The following TENM3 variants were observed in gnomAD, a reference collection of about 807,000 sequenced individuals.
TENM3 encodes teneurin-3.
In TENM3, 63 loss-of-function variants were observed where a neutral mutation model predicts 255.1. The ratio of observed to expected loss-of-function variants is 0.25; its 90% CI spans 0.20 to 0.30. The LOEUF is 0.30. Among genes scored for constraint, TENM3 ranks in the 10% least tolerant of loss-of-function variants. The probability of loss-of-function intolerance (pLI) is 1.00; values close to 1 mark genes in which losing one functional copy is unlikely to be tolerated. For synonymous variants in TENM3, 1,306 were observed against 1,322.3 expected (o/e 0.99, Z 0.27); for missense variants, 2,929 against 3,461.1 (o/e 0.85, Z 3.86).
chr4:182,195,697 G>A (rs1297337050), intron 1 of TENM3, among the ~76,000 whole-genome samples: 5 of 152,030 alleles, frequency 3.3e-5, no homozygotes, highest in Non-Finnish European at 7.4e-5. Context: ...GCTACACTCA[G>A]TATTAATTAC....
the TENM3 span, among the ~76,000 whole-genome samples, chr4:181,874,223 A>G: frequency 6.6e-6 from 1 of 152,200 alleles, no homozygotes; most frequent in Non-Finnish European, 1.5e-5. Context: ...CCAGCGGAGT[A>G]TGGCATTTTG....
chr4:181,462,910 T>C, the TENM3 span, among the ~76,000 whole-genome samples: 1 of 152,232 alleles, frequency 6.6e-6, no homozygotes, highest in East Asian at 1.9e-4. Flanking sequence ...TATTCATCCC[T>C]GTGACCTCAG....
the TENM3 span, among the ~76,000 whole-genome samples, chr4:181,736,833 T>C: frequency 6.4e-4 from 97 of 152,130 alleles, no homozygotes; most frequent in African/African-American, 2.2e-3. Flanking sequence ...CAGGAACTAG[T>C]GGAGGCCCAC....
Position 182,166,903 on chromosome 4 carries a change from C to T in TENM3, c.-76+22149C>T, listed in dbSNP as rs1243479130. On this transcript the variant is annotated intron_variant, in intron 1 of 2. Transcript: ENST00000512480. Reference sequence around the variant, plus strand: ...TTTTTTTTTTAAAGACTTAGAATATCATAAAGGTATAAAGAGAAGAAGCAA... The same window carrying T: ...TTTTTTTTTTAAAGACTTAGAATATTATAAAGGTATAAAGAGAAGAAGCAA... Among the ~76,000 whole-genome samples, 5 of 151,730 alleles carry T rather than the reference C, an allele frequency of 3.3e-5. No individual in the cohort carries two copies. The East Asian group carries it at 9.7e-4, about 29-fold the overall frequency.
intron 1 of TENM3, among the ~76,000 whole-genome samples, chr4:182,266,626 G>A (rs1002297963): frequency 6.6e-6 from 1 of 152,064 alleles, no homozygotes; most frequent in African/African-American, 2.4e-5. Context: ...GGTTTAACAT[G>A]AATAGTACAT....
chr4:181,810,699 C>T, the TENM3 span, among the ~76,000 whole-genome samples: 2 of 152,012 alleles, frequency 1.3e-5, no homozygotes, highest in Non-Finnish European at 2.9e-5. Context: ...AAACACGGAT[C>T]CACAGGACAG....
At chr4:182,274,490 G>C (rs1759860813) in intron 1 of TENM3, among the ~76,000 whole-genome samples, 2 of 152,174 alleles carry the variant, frequency 1.3e-5, no homozygotes, top group Admixed American at 1.3e-4. Flanking sequence ...AGGCAAAGTG[G>C]AGTGAGGACG....
At chr4:181,610,173 T>C in the TENM3 span, among the ~76,000 whole-genome samples, 1 of 152,188 alleles carries the variant, frequency 6.6e-6, no homozygotes. Context: ...CAGCTTTAAA[T>C]GGAGTCCCCT....
chr4:182,297,815 C>T (rs1761591912), intron 1 of TENM3, among the ~76,000 whole-genome samples: 1 of 152,236 alleles, frequency 6.6e-6, no homozygotes, highest in South Asian at 2.1e-4. Context: ...AAGCATAGCT[C>T]AGTTCCTCTG....
the TENM3 span, among the ~76,000 whole-genome samples, chr4:181,482,042 T>C: frequency 6.6e-6 from 1 of 152,176 alleles, no homozygotes; most frequent in African/African-American, 2.4e-5. Context: ...TGATAATCCA[T>C]GCTTAAAATC....
intron 1 of TENM3, among the ~76,000 whole-genome samples, chr4:182,322,179 G>A (rs1763096692): frequency 6.6e-6 from 1 of 151,972 alleles, no homozygotes. Context: ...GAATCAGAGG[G>A]GTCAGTGAAA....
chr4:181,668,058 CT>C, the TENM3 span, among the ~76,000 whole-genome samples: 2 of 152,178 alleles, frequency 1.3e-5, no homozygotes, highest in African/African-American at 4.8e-5. Context: ...GAATTTTTAT[CT>C]GTATGAGAAT....
intron 3 of TENM3, among the ~76,000 whole-genome samples, chr4:182,494,225 T>C (rs1204642792): frequency 3.9e-5 from 6 of 152,164 alleles, no homozygotes; most frequent in Non-Finnish European, 8.8e-5. Context: ...TCTGGAAACG[T>C]AGATGAATAT....
At chr4:182,185,119 AG>A (rs1445284132) in intron 1 of TENM3, among the ~76,000 whole-genome samples, 4 of 152,142 alleles carry the variant, frequency 2.6e-5, no homozygotes, top group Non-Finnish European at 5.9e-5. Flanking sequence ...TTTTGGAAGG[AG>A]GACAGAAGCT....
chr4:181,906,607 T>G, the TENM3 span: 1 of 152,266 alleles, frequency 6.6e-6, no homozygotes, highest in African/African-American at 2.4e-5. Context: ...AGTTTCTCGC[T>G]TTAACACAAA....
At chr4:182,224,785 G>A (rs577293118) in intron 1 of TENM3, among the ~76,000 whole-genome samples, 5 of 147,734 alleles carry the variant, frequency 3.4e-5, no homozygotes, top group African/African-American at 1.0e-4. Flanking sequence ...CACCCTGGCT[G>A]GAGTGCAGTG....
chr4:182,783,636 TA>T (rs1765367538), intron 24 of TENM3, among the ~76,000 whole-genome samples: 1 of 148,524 alleles, frequency 6.7e-6, no homozygotes, highest in Non-Finnish European at 1.5e-5. Context: ...TCCTGGATAA[TA>T]TCCTGCAGAG....
intron 3 of TENM3, among the ~76,000 whole-genome samples, chr4:182,447,285 A>G (rs952320463): frequency 5.3e-5 from 8 of 151,972 alleles, no homozygotes; most frequent in Non-Finnish European, 8.8e-5. Context: ...AAAAAAAAAA[A>G]CTAAGGTGTG....
In TENM3 at chr4:182,743,248, G is replaced by T; in HGVS notation, c.3458G>T (p.Gly1153Val). Residue 1153 changes from glycine to valine, a missense_variant, in exon 19 of 28, where the codon GGG becomes GTG. This residue lies in a region of TENM3 where 1,608 missense variants were observed against 1,884.4 expected (regional missense o/e 0.85). Coordinates refer to ENST00000511685, the MANE Select transcript of TENM3 (RefSeq NM_001080477.4). ...GTCGTGAGTAGCATCATGGGCAATGGGCGAAGGCGCAGCATTTCCTGCCCC... is the reference window on the plus strand; with the variant it reads ...GTCGTGAGTAGCATCATGGGCAATGTGCGAAGGCGCAGCATTTCCTGCCCC... ...PPVVSSIMGN[G>V]RRRSISCPSC... is the part of the protein sequence containing the mutation. 1.5e-5 allele frequency: 25 copies of T among 1,613,988 alleles called. No homozygotes were observed. Among genetic ancestry groups the T allele is most frequent in the Non-Finnish European group, 2.0e-5 (24 of 1,179,884 alleles).
Sources: gnomAD v4.1 joint callset for allele counts (sites outside exome capture counted in the v4.1 genomes callset) on GRCh38, gnomAD v4.1.1 for gene constraint, gnomAD v4.1.1 regional missense constraint, MANE v1.5 for transcripts, NCBI Gene and HGNC (gene_info 2026-07-23, HGNC 2026-07-21) for gene names.